Variants in MAN2A1 observed in about 807,000 individuals in gnomAD.
MAN2A1 encodes the protein alpha-mannosidase 2.
In MAN2A1, 76 loss-of-function variants were observed where a neutral mutation model predicts 142.6. The observed-to-expected ratio is 0.53, with a 90% CI of 0.44 to 0.65. MAN2A1 has a LOEUF of 0.65. Among genes scored for constraint, MAN2A1 ranks in the 30% least tolerant of loss-of-function variants. The pLI is 0.00. For synonymous variants in MAN2A1, 559 were observed against 473.2 expected, an observed-to-expected ratio of 1.18 and a Z score of -2.35; for missense variants, 1,311 against 1,365.1, an observed-to-expected ratio of 0.96 and a Z score of 0.62.
chr5:109,786,276 G>T (rs757433239), intron 10 of MAN2A1, among the ~76,000 whole-genome samples: 3 of 151,974 alleles, frequency 2.0e-5, no homozygotes, highest in Non-Finnish European at 4.4e-5. Flanking sequence ...CTCCTGGCCT[G>T]CTTGGTTTGT....
chr5:109,800,275 G>A (rs1014359119), intron 12 of MAN2A1, among the ~76,000 whole-genome samples: 1 of 152,138 alleles, frequency 6.6e-6, no homozygotes, highest in African/African-American at 2.4e-5. Context: ...AAGCTAGGTA[G>A]TGTTCTCATA....
At chr5:109,785,061 C>G in intron 10 of MAN2A1, 135 bp downstream of exon 10, 1 of 565,906 alleles carries the variant, frequency 1.8e-6, no homozygotes, top group Non-Finnish European at 3.0e-6. Flanking sequence ...ATTACTGTAT[C>G]AAAACAGCAC....
intron 4 of MAN2A1, among the ~76,000 whole-genome samples, chr5:109,734,919 G>A (rs1029985439): frequency 6.6e-6 from 1 of 152,076 alleles, no homozygotes; most frequent in Non-Finnish European, 1.5e-5. Context: ...CAATTCCTGG[G>A]TATCCTTGTT....
rs549765417 is a variant in MAN2A1 at position 109,819,579 on chromosome 5, T to C, written c.2110-90T>C. 17 of 697,174 alleles carry C rather than the reference T, an allele frequency of 2.4e-5. No homozygotes were observed. In the African/African-American group the frequency reaches 3.2e-4, roughly 13 times the overall value. 43.2% of individuals were successfully genotyped at this position (697,174 alleles called of 1,614,324 possible). A position where few individuals can be genotyped will look rare whatever the true frequency, so the allele number is the denominator to read the frequency against. ...TGGATTCTCTTTTTAAAAAATATGA[T>C]AGTTTGTTGGTTTTACCAAAAATAT... is the stretch of plus-strand genomic sequence containing the variant. On this transcript the variant is annotated intron_variant, in intron 13 of 21. Transcript: ENST00000261483.
intron 4 of MAN2A1, among the ~76,000 whole-genome samples, chr5:109,741,443 T>C (rs1484160065): frequency 1.3e-5 from 2 of 152,210 alleles, no homozygotes; most frequent in Non-Finnish European, 2.9e-5. Flanking sequence ...AATTCTGAGC[T>C]TGTACTAAGT....
chr5:109,869,565 T>G lies in MAN2A1; in HGVS notation c.*2567T>G, dbSNP rs185994975. 1 of 152,274 alleles carries G rather than the reference T, an allele frequency of 6.6e-6. No homozygotes were observed. Among genetic ancestry groups the G allele is most frequent in the East Asian group, 1.9e-4 (1 of 5,190 alleles). The allele number at this position is 152,274 out of a possible 1,614,324, so 9.4% of individuals were successfully genotyped here. On this transcript the variant is annotated 3_prime_UTR_variant, in exon 22 of 22. Transcript: ENST00000261483. Reference sequence around the variant, plus strand: ...GTTTTGATATTTTCTCTTGGAAGATTTTATATCTTTTTGGGAATATGTAAT... The same window carrying G: ...GTTTTGATATTTTCTCTTGGAAGATGTTATATCTTTTTGGGAATATGTAAT...
intron 16 of MAN2A1, among the ~76,000 whole-genome samples, chr5:109,831,805 A>ATGTGTG (rs55738132): frequency 2.8e-4 from 40 of 144,884 alleles, no homozygotes; most frequent in African/African-American, 9.0e-4. Flanking sequence ...AACAAAAATC[A>ATGTGTG]TGTGTGTGTG....
At chr5:109,862,820 G>A (rs1234069839) in intron 20 of MAN2A1, 1 of 152,180 alleles carries the variant, frequency 6.6e-6, no homozygotes, top group Non-Finnish European at 1.5e-5. Context: ...ACTTGGACAA[G>A]ATGATTGCTA....
intron 4 of MAN2A1, among the ~76,000 whole-genome samples, chr5:109,734,753 T>C (rs1480529062): frequency 6.6e-6 from 1 of 152,182 alleles, no homozygotes; most frequent in South Asian, 2.1e-4. Flanking sequence ...TTATAATTTC[T>C]GTTCTTTTAC....
intron 3 of MAN2A1, among the ~76,000 whole-genome samples, chr5:109,723,265 A>G (rs1423719530): frequency 6.6e-6 from 1 of 152,200 alleles, no homozygotes; most frequent in Non-Finnish European, 1.5e-5. Flanking sequence ...TAAAGCTGAT[A>G]TGCTTAGAAA....
chr5:109,757,895 A>G (rs774601776), intron 5 of MAN2A1, among the ~76,000 whole-genome samples: 11 of 152,172 alleles, frequency 7.2e-5, no homozygotes, highest in Non-Finnish European at 1.5e-4. Flanking sequence ...TTATAGCTGA[A>G]TAATATTCTG....
At chr5:109,866,825 A>G in intron 21 of MAN2A1, 21 bp from the exon 22 acceptor site, 3 of 1,539,022 alleles carry the variant, frequency 1.9e-6, no homozygotes, top group Non-Finnish European at 2.7e-6. Flanking sequence ...AAATATGTAA[A>G]TTTTATCATT....
At position 109,770,518 on chromosome 5, in the gene MAN2A1, A is replaced by G; in HGVS notation, c.1173A>G (p.Ile391Met). Reference sequence around the variant, plus strand: ...CCTGGGGAGTCCCCCCAGAAACAATACATCCTGGAAATGTCCAAAGCAGGT... The same window carrying G: ...CCTGGGGAGTCCCCCCAGAAACAATGCATCCTGGAAATGTCCAAAGCAGGT... ...GCPWGVPPET[I>M]HPGNVQSRAR... is the part of the protein sequence containing the mutation. Residue 391 changes from isoleucine to methionine, a missense_variant, in exon 7 of 22, where the codon ATA becomes ATG. Transcript: ENST00000261483. The G allele has an allele frequency of 6.8e-6, 11 of 1,613,842 alleles. No individual in the cohort carries two copies. The highest frequency in any genetic ancestry group is 7.6e-6 in the Non-Finnish European group (9 of 1,179,840).
At position 109,867,795 on chromosome 5, in the gene MAN2A1, G is replaced by T. The variant is rs1015653941; in HGVS notation, c.*797G>T. The T allele has an allele frequency of 1.3e-5, 2 of 152,256 alleles. No homozygotes were observed. The highest frequency in any genetic ancestry group is 2.9e-5 in the Non-Finnish European group (2 of 67,996). The allele number at this position is 152,256 out of a possible 1,614,324, so 9.4% of individuals were successfully genotyped here. A position where few individuals can be genotyped will look rare whatever the true frequency, so the allele number is the denominator to read the frequency against. On this transcript the variant is annotated 3_prime_UTR_variant, in exon 22 of 22. Transcript: ENST00000261483. ...CATTTGAATACAGGTGTTCTGAGAAGGGGTTTCTATTTTAAAATTACCATA... is the reference window on the plus strand; with the variant it reads ...CATTTGAATACAGGTGTTCTGAGAATGGGTTTCTATTTTAAAATTACCATA...
At chr5:109,713,368 C>T (rs944445677) in intron 1 of MAN2A1, 152 bp from the exon 2 acceptor site, 3 of 534,194 alleles carry the variant, frequency 5.6e-6, no homozygotes, top group African/African-American at 1.9e-5. Flanking sequence ...GCCAGCTGTT[C>T]ATGCTTTCTG....
At chr5:109,781,772 A>G (rs1272050805) in intron 9 of MAN2A1, among the ~76,000 whole-genome samples, 174 bp downstream of exon 9, 1 of 152,196 alleles carries the variant, frequency 6.6e-6, no homozygotes, top group African/African-American at 2.4e-5. Context: ...ACGTCTCCAA[A>G]CTACAATCAA....
intron 6 of MAN2A1, among the ~76,000 whole-genome samples, chr5:109,769,737 T>G (rs1753089890): frequency 1.3e-5 from 2 of 152,212 alleles, no homozygotes; most frequent in African/African-American, 2.4e-5. Context: ...TTCCTGTGCT[T>G]CTTTGTTGGT....
intron 4 of MAN2A1, among the ~76,000 whole-genome samples, chr5:109,747,457 G>A (rs1444764168): frequency 6.6e-6 from 1 of 152,072 alleles, no homozygotes; most frequent in Non-Finnish European, 1.5e-5. Context: ...TCACTGTATG[G>A]ATGAGTTAAC....
At chr5:109,737,684 GTGTAGCACTCTAAAACTTCATTAGTGA>G (rs1752144534) in intron 4 of MAN2A1, among the ~76,000 whole-genome samples, 1 of 152,118 alleles carries the variant, frequency 6.6e-6, no homozygotes, top group Admixed American at 6.5e-5. Flanking sequence ...TATCGTTAGA[GTGTAGCACTCTAAAACTTCATTAGTGA>G]TGTAGACACA....
Sources: allele counts gnomAD v4.1 joint callset (sites outside exome capture counted in the v4.1 genomes callset), GRCh38; gene constraint gnomAD v4.1.1; transcripts MANE v1.5; gene names NCBI Gene and HGNC (gene_info 2026-07-23, HGNC 2026-07-21).